GALC: variants seen among roughly 807,000 people sequenced by gnomAD.
GALC encodes galactocerebrosidase.
Under a neutral mutation model 91.8 loss-of-function variants are expected in GALC, and 77 were observed. The observed-to-expected ratio is 0.84, with a 90% CI of 0.70 to 1.01. The LOEUF (loss-of-function observed/expected upper bound fraction) is 1.01. Ranked by LOEUF, GALC falls within the 50% of genes least tolerant of loss-of-function variation. GALC has a pLI of 0.00. For missense variants in GALC, 882 were observed against 855.9 expected, an observed-to-expected ratio of 1.03 and a Z score of -0.38; for synonymous variants, 357 against 306.7, an observed-to-expected ratio of 1.16 and a Z score of -1.71.
Position 87,950,763 on chromosome 14 carries a change from T to C in GALC, c.1162-15A>G, listed in dbSNP as rs1885271713. 6.6e-7 allele frequency: 1 copy of C among 1,523,214 alleles called. No individual in the cohort carries two copies. Among genetic ancestry groups the C allele is most frequent in the East Asian group, 2.3e-5 (1 of 43,958 alleles). 94.4% of individuals were successfully genotyped at this position (1,523,214 alleles called of 1,614,324 possible). A position where few individuals can be genotyped will look rare whatever the true frequency, so the allele number is the denominator to read the frequency against. On this transcript the variant is annotated splice_polypyrimidine_tract_variant and intron_variant, in intron 10 of 16. Transcript: ENST00000261304. ...TGTTTATGACTCTGAAAAAAAAAAA[T>C]CACATACATTATCCAAATGATGTAT...
intron 14 of GALC, among the ~76,000 whole-genome samples, chr14:87,943,357 G>C (rs1884934806): frequency 6.6e-6 from 1 of 151,952 alleles, no homozygotes; most frequent in South Asian, 2.1e-4. Context: ...TTACTGTGCT[G>C]GTAAATGACT....
chr14:87,993,096 C>T lies in GALC; in HGVS notation c.69G>A (p.Ser23=). The change falls in exon 1 of 17, where the codon TCG becomes TCA. Residue 23 remains serine, a synonymous_variant. Transcript: ENST00000261304. The stretch of plus-strand genomic sequence containing the variant: ...GCAAGGGCACCGCGGCGCGGCCCGC[C>T]GAACCCGCGGCCGCAGTCATAGCTT... ...RAKAMTAAAG[S]AGRAAVPLLL... is the part of the protein sequence containing the mutation. 1.9e-6 allele frequency: 3 copies of T among 1,586,680 alleles called. No individual in the cohort carries two copies. The highest frequency in any genetic ancestry group is 2.6e-6 in the Non-Finnish European group (3 of 1,167,204).
At chr14:87,963,276 G>T in intron 10 of GALC, 108 bp downstream of exon 10, 1 of 1,188,228 alleles carries the variant, frequency 8.4e-7, no homozygotes, top group Non-Finnish European at 1.2e-6. Flanking sequence ...CTTGGCATCT[G>T]TCTGTATGCT....
rs767710271 is a variant in GALC, at chr14:87,941,519, G to A, written c.1710C>T (p.Thr570=). ...CAATGAACACACCTCCTGTGTCAGG[G>A]GTCTCTATGTATACATCACACTTTA... The part of the protein sequence containing the change: ...LTIKCDVYIE[T]PDTGGVFIAG... Residue 570 remains threonine, a synonymous_variant, in exon 15 of 17, where the codon ACC becomes ACT. Transcript: ENST00000261304. 6.3e-7 allele frequency: 1 copy of A among 1,593,492 alleles called. No homozygotes were observed. The highest frequency in any genetic ancestry group is 1.3e-5 in the African/African-American group (1 of 74,384).
intron 16 of GALC, among the ~76,000 whole-genome samples, chr14:87,937,266 G>C (rs1194419922): frequency 1.0e-5 from 1 of 97,408 alleles, no homozygotes; most frequent in East Asian, 3.1e-4. Flanking sequence ...CAAGGTCCCT[G>C]CTCTTATGGA....
At chr14:87,987,187 T>C (rs1470712125) in intron 3 of GALC, 1 of 356,214 alleles carries the variant, frequency 2.8e-6, no homozygotes, top group Middle Eastern at 8.7e-4. Flanking sequence ...GGTAGGTAAT[T>C]GCTATCAAAG....
At chr14:87,955,193 C>A (rs1163444007) in intron 10 of GALC, 31 of 1,216,636 alleles carry the variant, frequency 2.5e-5, no homozygotes, top group Non-Finnish European at 3.8e-5. Flanking sequence ...GGAGCCGATG[C>A]CCTTTTCTGA....
At position 87,941,436 on chromosome 14, in the gene GALC, C is replaced by A; in HGVS notation, c.1793G>T (p.Trp598Leu). 1 of 1,609,696 alleles carries A rather than the reference C, an allele frequency of 6.2e-7. No homozygotes were observed. The highest frequency in any genetic ancestry group is 8.5e-7 in the Non-Finnish European group (1 of 1,176,774). ...CCTGTAAGATCCATTTGCAAAAATCCAGAAGAAAATTCCTCTGGCACTTCT... is the reference window on the plus strand; with the variant it reads ...CCTGTAAGATCCATTTGCAAAAATCAAGAAGAAAATTCCTCTGGCACTTCT... ...LIRSARGIFF[W>L]IFANGSYRVT... The change falls in exon 15 of 17, where the codon TGG becomes TTG. Residue 598 changes from tryptophan (W) to leucine (L), a missense_variant. By Grantham distance (61) the Trp-to-Leu change is moderately conservative (BLOSUM62 -2). Transcript: ENST00000261304.
intron 16 of GALC, among the ~76,000 whole-genome samples, chr14:87,935,560 C>A (rs2301119): frequency 0.34 from 51,150 of 151,892 alleles, 9,685 homozygotes; most frequent in East Asian, 0.63. Context: ...AAAAATTACA[C>A]CTTCCTCCGA....
At chr14:87,935,672 C>T (rs1171046191) in intron 16 of GALC, among the ~76,000 whole-genome samples, 1 of 152,040 alleles carries the variant, frequency 6.6e-6, no homozygotes, top group East Asian at 1.9e-4. Flanking sequence ...ATATTCACAG[C>T]ATACTAACTA....
chr14:87,974,931 G>A (rs1886434705), intron 7 of GALC, among the ~76,000 whole-genome samples: 1 of 151,816 alleles, frequency 6.6e-6, no homozygotes, highest in Admixed American at 6.6e-5. Flanking sequence ...TGAAGATACA[G>A]TAAAACCCAT....
chr14:87,968,550 T>C, intron 7 of GALC, 60 bp from the exon 8 acceptor site: 1 of 1,468,782 alleles, frequency 6.8e-7, no homozygotes, highest in Non-Finnish European at 9.5e-7. Flanking sequence ...CTTATATACG[T>C]ATAGATTTGT....
chr14:87,949,835 T>G lies in GALC; in HGVS notation c.1338+10A>C. ...AATACCCAAAATATAAGAATTTACT[T>G]TAAAATTACCCATAGAGAATCCAGC... is the stretch of plus-strand genomic sequence containing the variant. On this transcript the variant is annotated intron_variant, in intron 12 of 16. Transcript: ENST00000261304. 1.4e-6 allele frequency: 2 copies of G among 1,457,804 alleles called. No individual in the cohort carries two copies. Among genetic ancestry groups the G allele is most frequent in the Non-Finnish European group, 1.9e-6 (2 of 1,039,404 alleles). The allele number at this position is 1,457,804 out of a possible 1,614,324, so 90.3% of individuals were successfully genotyped here. A position where few individuals can be genotyped will look rare whatever the true frequency, so the allele number is the denominator to read the frequency against.
At chr14:87,974,612 A>C (rs1401199494) in intron 7 of GALC, among the ~76,000 whole-genome samples, 1 of 120,012 alleles carries the variant, frequency 8.3e-6, no homozygotes, top group Non-Finnish European at 2.1e-5. Context: ...CAATATAACC[A>C]AAAGGTTATA....
chr14:87,950,724 G>A lies in GALC; in HGVS notation c.1186C>T (p.Arg396Trp), dbSNP rs770485731. Residue 396 changes from arginine to tryptophan, a missense_variant, in exon 11 of 17, where the codon CGG (arginine) becomes TGG (tryptophan). Coordinates refer to ENST00000261304, the MANE Select transcript of GALC (RefSeq NM_000153.4). Reference sequence around the variant, plus strand: ...ACATTGAAATAAGGAAGAAATGGCCGTATGCACTTAGAATGTTTATGACTC... The same window carrying A: ...ACATTGAAATAAGGAAGAAATGGCCATATGCACTTAGAATGTTTATGACTC... ...TMSHKHSKCI[R>W]PFLPYFNVSQ... 1.4e-5 allele frequency: 23 copies of A among 1,599,058 alleles called. No individual in the cohort carries two copies. The highest frequency in any genetic ancestry group is 6.6e-5 in the South Asian group (6 of 90,382).
At chr14:87,947,118 CCAAG>C (rs1885104832) in intron 13 of GALC, among the ~76,000 whole-genome samples, 1 of 152,022 alleles carries the variant, frequency 6.6e-6, no homozygotes, top group African/African-American at 2.4e-5. Flanking sequence ...CAGAACACCA[CCAAG>C]CAGTCAACAA....
chr14:87,952,378 CAG>C (rs1297887163), intron 10 of GALC: 3 of 276,288 alleles, frequency 1.1e-5, no homozygotes, highest in African/African-American at 6.5e-5. Context: ...ATATTTGACA[CAG>C]AGCATAGAGA....
chr14:87,988,880 T>C (rs1211836625), intron 1 of GALC, among the ~76,000 whole-genome samples: 1 of 152,226 alleles, frequency 6.6e-6, no homozygotes, highest in African/African-American at 2.4e-5. Flanking sequence ...TCAGGTAATT[T>C]TTCCCCTTAA....
At chr14:87,988,549 T>C (rs375326954) in intron 1 of GALC, 26 bp from the exon 2 acceptor site, 20 of 1,509,606 alleles carry the variant, frequency 1.3e-5, no homozygotes, top group African/African-American at 2.8e-5. Flanking sequence ...TTCAAAAGTA[T>C]GAATAAAAGA....
Sources: allele counts gnomAD v4.1 joint callset (sites outside exome capture counted in the v4.1 genomes callset), GRCh38; gene constraint gnomAD v4.1.1; transcripts MANE v1.5; gene names NCBI Gene and HGNC (gene_info 2026-07-23, HGNC 2026-07-21).